PID1: variants seen among roughly 807,000 people sequenced by gnomAD.
The protein encoded by PID1 is PTB-containing, cubilin and LRP1-interacting protein.
Under a neutral mutation model 19.1 loss-of-function variants are expected in PID1, and 10 were observed. The observed-to-expected ratio is 0.52, with a 90% CI of 0.32 to 0.89. PID1 has a LOEUF of 0.89. Ranked by LOEUF, PID1 falls within the 40% of genes least tolerant of loss-of-function variation. PID1 has a pLI of 0.03. For missense variants in PID1, 248 were observed against 285.3 expected, an observed-to-expected ratio of 0.87 and a Z score of 0.94; for synonymous variants, 130 against 116.0, an observed-to-expected ratio of 1.12 and a Z score of -0.78.
At chr2:229,083,633 C>T (rs1186560364) in intron 2 of PID1, among the ~76,000 whole-genome samples, 1 of 152,196 alleles carries the variant, frequency 6.6e-6, no homozygotes, top group Non-Finnish European at 1.5e-5. Context: ...GGTGTATTCT[C>T]ATTCTGTAGT....
chr2:229,059,440 T>C (rs948971315), intron 2 of PID1, among the ~76,000 whole-genome samples: 1 of 152,256 alleles, frequency 6.6e-6, no homozygotes, highest in East Asian at 1.9e-4. Flanking sequence ...TTTTCACATA[T>C]AATCTCATGT....
intron 2 of PID1, among the ~76,000 whole-genome samples, chr2:229,096,077 CAA>C (rs1283796936): frequency 2.0e-5 from 3 of 152,142 alleles, no homozygotes; most frequent in Non-Finnish European, 2.9e-5. Context: ...TGTCCACAGG[CAA>C]AGTCTGTAAT....
chr2:229,143,238 C>G (rs1294389652), intron 2 of PID1, among the ~76,000 whole-genome samples: 5 of 149,846 alleles, frequency 3.3e-5, no homozygotes, highest in Non-Finnish European at 5.9e-5. Flanking sequence ...GGAGATATAC[C>G]TAATGCTAAA....
At chr2:229,078,152 T>C (rs1694599643) in intron 2 of PID1, among the ~76,000 whole-genome samples, 1 of 152,198 alleles carries the variant, frequency 6.6e-6, no homozygotes. Context: ...TATTTTGTTA[T>C]CTTTGTAGCA....
chr2:229,195,614 G>A (rs1691361936), intron 1 of PID1, among the ~76,000 whole-genome samples: 1 of 151,782 alleles, frequency 6.6e-6, no homozygotes. Context: ...TTAGTGATAT[G>A]TCCTAGAGAT....
At chr2:229,109,008 G>T (rs73101244) in intron 2 of PID1, among the ~76,000 whole-genome samples, 1,675 of 152,266 alleles carry the variant, frequency 0.011, 29 homozygotes, top group African/African-American at 0.038. Context: ...ACAGATCAGA[G>T]GAGATATTTG....
intron 1 of PID1, among the ~76,000 whole-genome samples, chr2:229,237,675 A>G (rs1689750041): frequency 6.6e-6 from 1 of 152,216 alleles, no homozygotes; most frequent in South Asian, 2.1e-4. Context: ...CTATCCTAAC[A>G]TAAATAAGAA....
At chr2:229,139,134 A>G (rs181510769) in intron 2 of PID1, among the ~76,000 whole-genome samples, 1 of 117,984 alleles carries the variant, frequency 8.5e-6, no homozygotes, top group Non-Finnish European at 1.8e-5. Context: ...AGAAAGAAAG[A>G]AAGAAAGAAA....
At chr2:229,029,568 C>A (rs776116217) in intron 2 of PID1, among the ~76,000 whole-genome samples, 1 of 151,880 alleles carries the variant, frequency 6.6e-6, no homozygotes, top group Non-Finnish European at 1.5e-5. Flanking sequence ...AGAGGCCGGG[C>A]GCAGTGGCTC....
intron 2 of PID1, among the ~76,000 whole-genome samples, chr2:229,106,312 G>A (rs1695178840): frequency 6.6e-6 from 1 of 152,134 alleles, no homozygotes; most frequent in South Asian, 2.1e-4. Context: ...ACCACTTTGA[G>A]AGCAGAGACT....
chr2:229,155,434 C>T (rs771651823), intron 2 of PID1, among the ~76,000 whole-genome samples: 53 of 151,834 alleles, frequency 3.5e-4, no homozygotes, highest in African/African-American at 8.0e-4. Context: ...GGCATGGTGG[C>T]GGGTGCCTGT....
At chr2:229,201,988 T>C (rs990072419) in intron 1 of PID1, among the ~76,000 whole-genome samples, 3 of 152,094 alleles carry the variant, frequency 2.0e-5, no homozygotes, top group Non-Finnish European at 4.4e-5. Context: ...CAATATTTTT[T>C]AGGCCTAGGC....
intron 2 of PID1, among the ~76,000 whole-genome samples, chr2:229,151,338 G>A (rs1342115788): frequency 6.6e-6 from 1 of 152,136 alleles, no homozygotes; most frequent in East Asian, 1.9e-4. Context: ...TCCAGGCTCT[G>A]CTAGTTACTA....
rs967360728 is a variant in PID1, at chr2:229,044,932, C to T, written c.178-18824G>A. ...TGGCATAAAAACGTATTAGGTATTA[C>T]AATTTTTAAATATTTTAAAATTCAG... On this transcript the variant is annotated intron_variant, in intron 2 of 2. Coordinates refer to ENST00000392055, the MANE Select transcript of PID1 (RefSeq NM_001100818.2). 1.2e-4 allele frequency among the ~76,000 whole-genome samples: 18 copies of T among 152,200 alleles called. No individual in the cohort carries two copies. The East Asian group carries it at 2.9e-3, about 24-fold the overall frequency.
At chr2:229,149,004 T>C (rs1282115009) in intron 2 of PID1, among the ~76,000 whole-genome samples, 1 of 150,644 alleles carries the variant, frequency 6.6e-6, no homozygotes, top group African/African-American at 2.4e-5. Context: ...TAGATGAAAA[T>C]ATCAATGGAA....
intron 1 of PID1, among the ~76,000 whole-genome samples, chr2:229,255,684 T>C (rs1226277974): frequency 2.6e-5 from 4 of 152,222 alleles, no homozygotes; most frequent in Non-Finnish European, 5.9e-5. Context: ...GAAGTTTTAG[T>C]TGCCTGGCGT....
intron 2 of PID1, among the ~76,000 whole-genome samples, chr2:229,143,320 C>T (rs368946122): frequency 2.0e-5 from 3 of 151,696 alleles, no homozygotes; most frequent in African/African-American, 4.8e-5. Context: ...ACATTGTGCA[C>T]ATGTACCCTA....
intron 1 of PID1, among the ~76,000 whole-genome samples, chr2:229,212,927 G>A (rs899887972): frequency 2.6e-5 from 4 of 151,884 alleles, no homozygotes; most frequent in African/African-American, 7.3e-5. Flanking sequence ...TCCCCATCCC[G>A]TGACCCCAAG....
At chr2:229,207,049 T>C (rs1691624935) in intron 1 of PID1, among the ~76,000 whole-genome samples, 1 of 152,184 alleles carries the variant, frequency 6.6e-6, no homozygotes, top group African/African-American at 2.4e-5. Context: ...CGTAGACCAA[T>C]AGCTTGGGTC....
Sources: gnomAD v4.1 joint callset for allele counts (sites outside exome capture counted in the v4.1 genomes callset) on GRCh38, gnomAD v4.1.1 for gene constraint, MANE v1.5 for transcripts, NCBI Gene and HGNC (gene_info 2026-07-23, HGNC 2026-07-21) for gene names.